The following BRPF3 variants were observed in gnomAD, a reference collection of about 807,000 sequenced individuals.
The protein encoded by BRPF3 is bromodomain and PHD finger-containing protein 3.
A neutral mutation model predicts 102.0 loss-of-function variants in BRPF3; 18 were observed. That is an observed-to-expected ratio of 0.18 (90% CI 0.12 to 0.26). BRPF3 has a LOEUF of 0.26. BRPF3 is among the 10% of genes least tolerant of loss of function. The pLI is 1.00. For missense variants in BRPF3, 1,147 were observed against 1,567.8 expected, an observed-to-expected ratio of 0.73 and a Z score of 4.53; for synonymous variants, 570 against 614.2, an observed-to-expected ratio of 0.93 and a Z score of 1.06.
chr6:36,204,659 T>TTGA lies in BRPF3; in HGVS notation c.1451_1453dup (p.Leu484_Asn485insMet). On this transcript the variant is annotated inframe_insertion and splice_region_variant, in exon 3 of 13. Transcript: ENST00000357641. ...CACTTCCGTGTGCCTCTACTCAAGG[T>TTGA]TGAACAAGATCTGTAGTGGTCTCTC... 1 of 1,614,178 alleles carries TTGA rather than the reference T, an allele frequency of 6.2e-7. No homozygotes were observed. The highest frequency in any genetic ancestry group is 8.5e-7 in the Non-Finnish European group (1 of 1,180,026).
chr6:36,214,980 T>C (rs1478990530), intron 8 of BRPF3, among the ~76,000 whole-genome samples: 1 of 151,542 alleles, frequency 6.6e-6, no homozygotes, highest in East Asian at 1.9e-4. Context: ...AGTACATAGG[T>C]CCTGGAGGTG....
intron 8 of BRPF3, 24 bp downstream of exon 8, chr6:36,214,410 T>G (rs767195897): frequency 2.6e-6 from 4 of 1,527,458 alleles, no homozygotes; most frequent in Non-Finnish European, 3.5e-6. Context: ...TGACTTCTCT[T>G]GATACTTCGC....
intron 1 of BRPF3, among the ~76,000 whole-genome samples, chr6:36,198,565 G>A (rs1413622204): frequency 6.6e-6 from 1 of 152,056 alleles, no homozygotes. Context: ...CTGTGTAGAT[G>A]ATAATAGCTA....
In BRPF3 at chr6:36,210,179, A is replaced by G. The variant is rs1463270811; in HGVS notation, c.1867-37A>G. On this transcript the variant is annotated intron_variant, in intron 5 of 12. Transcript: ENST00000357641. This position sits in a 1 kb window ranked among gnomAD's most constrained non-coding sequence, Gnocchi z 4.7. ...GAAGGGTGTGTCTGTTTGGCTAGTA[A>G]ATGGTTGTTGTAATTGTACAGGTTT... 2 of 1,608,914 alleles carry G rather than the reference A, an allele frequency of 1.2e-6. No homozygotes were observed. The highest frequency in any genetic ancestry group is 1.7e-6 in the Non-Finnish European group (2 of 1,175,454).
chr6:36,224,318 T>G (rs2127296146), intron 10 of BRPF3, among the ~76,000 whole-genome samples: 1 of 152,352 alleles, frequency 6.6e-6, no homozygotes, highest in African/African-American at 2.4e-5. Flanking sequence ...CACCTGCCCA[T>G]TCCAGTGTAT....
chr6:36,202,078 C>T (rs1394477010), intron 2 of BRPF3, among the ~76,000 whole-genome samples: 4 of 152,178 alleles, frequency 2.6e-5, no homozygotes, highest in East Asian at 1.9e-4. Flanking sequence ...GATAATTCTT[C>T]GTTATTAGAA....
At chr6:36,204,360 C>T (rs548355151) in intron 2 of BRPF3, 103 of 386,166 alleles carry the variant, frequency 2.7e-4, no homozygotes, top group African/African-American at 1.8e-3. Flanking sequence ...TTTTTCAGTC[C>T]GTACGTGGAA....
intron 11 of BRPF3, among the ~76,000 whole-genome samples, chr6:36,227,492 A>C (rs1233822082): frequency 6.6e-6 from 1 of 152,188 alleles, no homozygotes; most frequent in Non-Finnish European, 1.5e-5. Context: ...TGGACCATTT[A>C]TTATTTTGGG....
chr6:36,223,300 C>T (rs906470705), intron 10 of BRPF3, among the ~76,000 whole-genome samples: 4 of 152,186 alleles, frequency 2.6e-5, no homozygotes, highest in African/African-American at 7.2e-5. Flanking sequence ...TGAATGCATG[C>T]CTGTGTGTTT....
chr6:36,211,298 C>T lies in BRPF3; in HGVS notation c.2220C>T (p.Ser740=), dbSNP rs778794100. 3 of 1,614,196 alleles carry T rather than the reference C, an allele frequency of 1.9e-6. No homozygotes were observed. Among genetic ancestry groups the T allele is most frequent in the Non-Finnish European group, 2.5e-6 (3 of 1,180,032 alleles). Residue 740 remains serine, a synonymous_variant, in exon 7 of 13, where the codon TCC becomes TCT. Transcript: ENST00000357641. ...ILIPENRAHL[S]PEVQLKELLE... is the part of the protein sequence containing the mutation. The stretch of plus-strand genomic sequence containing the variant: ...TCCCAGAGAACCGGGCCCATTTGTC[C>T]CCAGAGGTGCAGCTGAAGGAGCTGC...
At position 36,211,440 on chromosome 6, in the gene BRPF3, C is replaced by T. The variant is rs200449427; in HGVS notation, c.2362C>T (p.Pro788Ser). ...LRQKLAQPPP[P>S]QPPSLNKTVS... ...GCAGAAGCTGGCACAGCCACCACCA[C>T]CACAGCCACCATCACTCAACAAGAC... Residue 788 changes from proline to serine, a missense_variant, in exon 7 of 13, where the codon CCA becomes TCA. Pro to Ser is a moderately conservative substitution (Grantham distance 74). Transcript: ENST00000357641. 4.0e-5 allele frequency: 64 copies of T among 1,610,000 alleles called. No individual in the cohort carries two copies. In the East Asian group the frequency reaches 1.4e-3, roughly 35 times the overall value.
intron 1 of BRPF3, among the ~76,000 whole-genome samples, chr6:36,198,667 A>T (rs1343593256): frequency 6.6e-6 from 1 of 152,328 alleles, no homozygotes; most frequent in Non-Finnish European, 1.5e-5. Context: ...TCTCTACTTT[A>T]TATAGATGGT....
At chr6:36,227,819 T>C (rs577027102) in intron 11 of BRPF3, among the ~76,000 whole-genome samples, 25 of 152,312 alleles carry the variant, frequency 1.6e-4, no homozygotes, top group African/African-American at 5.8e-4. Context: ...AGTAAACTCC[T>C]AACCAGAACA....
chr6:36,225,724 T>A (rs1768717767), intron 11 of BRPF3, among the ~76,000 whole-genome samples: 3 of 152,214 alleles, frequency 2.0e-5, no homozygotes, highest in Admixed American at 1.3e-4. Context: ...GAGGAAAGTA[T>A]GATTATTACA....
In BRPF3 at chr6:36,223,594, T is replaced by C. The variant is rs147904128; in HGVS notation, c.3181+1329T>C. ...ATGCTGACCCAAACACATGCACTTTTGTATTCTACTTTTTTCAATTTTTTT... is the reference window on the plus strand; with the variant it reads ...ATGCTGACCCAAACACATGCACTTTCGTATTCTACTTTTTTCAATTTTTTT... On this transcript the variant is annotated intron_variant, in intron 10 of 12. Transcript: ENST00000357641. Among the ~76,000 whole-genome samples, 528 of 152,372 alleles carry C rather than the reference T, an allele frequency of 3.5e-3. 3 individuals are homozygous for C. The highest frequency in any genetic ancestry group is 0.012 in the African/African-American group (494 of 41,580).
intron 11 of BRPF3, 30 bp downstream of exon 11, chr6:36,225,394 T>TC (rs1768700415): frequency 1.3e-5 from 20 of 1,586,254 alleles, no homozygotes; most frequent in Non-Finnish European, 1.6e-5. Flanking sequence ...CACCCTCCTA[T>TC]CTCCCCTGCC....
At chr6:36,229,238 C>T (rs975743349) in intron 12 of BRPF3, among the ~76,000 whole-genome samples, 182 bp downstream of exon 12, 1 of 152,140 alleles carries the variant, frequency 6.6e-6, no homozygotes. Context: ...GATCAGATTC[C>T]CTGGGAAACA....
chr6:36,204,365 G>T, intron 2 of BRPF3: 1 of 401,144 alleles, frequency 2.5e-6, no homozygotes, highest in Admixed American at 4.0e-5. Flanking sequence ...CAGTCCGTAC[G>T]TGGAACAAGG....
intron 7 of BRPF3, among the ~76,000 whole-genome samples, chr6:36,212,594 AG>A (rs1433056101): frequency 1.6e-4 from 24 of 146,568 alleles, no homozygotes; most frequent in Non-Finnish European, 3.2e-4. Context: ...AAAAAAAAAA[AG>A]GTGTAGCCTC....
Sources: gnomAD v4.1 joint callset for allele counts (sites outside exome capture counted in the v4.1 genomes callset) on GRCh38, gnomAD v4.1.1 for gene constraint, Gnocchi (gnomAD v3.1) non-coding constraint, MANE v1.5 for transcripts, NCBI Gene and HGNC (gene_info 2026-07-23, HGNC 2026-07-21) for gene names.